Variants in CCDC88C observed in about 807,000 individuals in gnomAD.
CCDC88C encodes protein Daple.
In CCDC88C, 131 loss-of-function variants were observed where a neutral mutation model predicts 198.8. That is an observed-to-expected ratio of 0.66 (90% CI 0.57 to 0.76). The LOEUF (loss-of-function observed/expected upper bound fraction) is 0.76. Among genes scored for constraint, CCDC88C ranks in the 30% least tolerant of loss-of-function variants. The pLI is 0.00. For synonymous variants in CCDC88C, 1,166 were observed against 1,114.7 expected (o/e 1.05, Z -0.92); for missense variants, 2,553 against 2,631.6 (o/e 0.97, Z 0.65).
In CCDC88C at chr14:91,372,122, G is replaced by A. The variant is rs1354718467; in HGVS notation, c.271-12411C>T. ...CTGGAGGGCAGGGAGAGCTCCTTGAGGAAGGGCAGCCATTCCCTCTCTCAT... is the reference window on the plus strand; with the variant it reads ...CTGGAGGGCAGGGAGAGCTCCTTGAAGAAGGGCAGCCATTCCCTCTCTCAT... On this transcript the variant is annotated intron_variant, in intron 3 of 29. Coordinates refer to ENST00000389857, the MANE Select transcript of CCDC88C (RefSeq NM_001080414.4). Among the ~76,000 whole-genome samples the A allele has an allele frequency of 3.9e-5, 6 of 152,290 alleles. No homozygotes were observed. In the East Asian group the frequency reaches 1.2e-3, roughly 29 times the overall value.
intron 15 of CCDC88C, among the ~76,000 whole-genome samples, chr14:91,312,518 A>G (rs1017799309): frequency 1.3e-5 from 2 of 152,222 alleles, no homozygotes; most frequent in African/African-American, 2.4e-5. Flanking sequence ...ACCCGTCTCT[A>G]CTAAAAATAC....
In CCDC88C at chr14:91,376,502, C is replaced by T. The variant is rs980754968; in HGVS notation, c.271-16791G>A. Among the ~76,000 whole-genome samples, 19 of 152,208 alleles carry T rather than the reference C, an allele frequency of 1.2e-4. No individual in the cohort carries two copies. The East Asian group carries it at 3.1e-3, about 25-fold the overall frequency. On this transcript the variant is annotated intron_variant, in intron 3 of 29. Transcript: ENST00000389857. ...AAGGTAGTGAGGGACTTTTATCCAC[C>T]GCCGTCTCTGGAGAGCCCACAGGTG...
chr14:91,414,900 G>A (rs926200221), intron 2 of CCDC88C, among the ~76,000 whole-genome samples: 8 of 152,182 alleles, frequency 5.3e-5, no homozygotes, highest in Admixed American at 5.2e-4. Flanking sequence ...TTAGCCATGG[G>A]CCAAATGAGA....
At chr14:91,388,768 C>T (rs1337363289) in intron 3 of CCDC88C, among the ~76,000 whole-genome samples, 1 of 152,230 alleles carries the variant, frequency 6.6e-6, no homozygotes, top group Non-Finnish European at 1.5e-5. Context: ...AGCACACTTG[C>T]AGCGAGGGAT....
chr14:91,332,025 CT>C (rs1892855531), intron 10 of CCDC88C, among the ~76,000 whole-genome samples: 1 of 152,056 alleles, frequency 6.6e-6, no homozygotes, highest in Non-Finnish European at 1.5e-5. Context: ...GTCTCTGCCC[CT>C]GAGTGCAGAC....
rs758725568 is a variant in CCDC88C at position 91,289,168 on chromosome 14, T to C, written c.4378A>G (p.Thr1460Ala). Reference protein sequence around the residue: ...PLRSQAENPDTPALGSNCAEE... With the variant: ...PLRSQAENPDAPALGSNCAEE... The stretch of plus-strand genomic sequence containing the variant: ...GCACAGTTGGAGCCCAGTGCGGGGG[T>C]GTCGGGGTTCTCGGCCTGTGATCTG... Residue 1460 changes from threonine to alanine, a missense_variant, in exon 25 of 30, where the codon ACC becomes GCC. By Grantham distance (58) the Thr-to-Ala change is moderately conservative. This residue lies in a region of CCDC88C where 1,293 missense variants were observed against 1,219.6 expected (regional missense o/e 1.06). Coordinates refer to ENST00000389857, the MANE Select transcript of CCDC88C (RefSeq NM_001080414.4). 6.2e-7 allele frequency: 1 copy of C among 1,613,210 alleles called. No homozygotes were observed. Among genetic ancestry groups the C allele is most frequent in the Non-Finnish European group, 8.5e-7 (1 of 1,179,740 alleles).
chr14:91,304,774 T>A (rs1291920595), intron 19 of CCDC88C, among the ~76,000 whole-genome samples: 1 of 152,226 alleles, frequency 6.6e-6, no homozygotes, highest in Non-Finnish European at 1.5e-5. Context: ...AATCATTTTA[T>A]GAAGCCAGAA....
chr14:91,398,090 A>C (rs989399740), intron 3 of CCDC88C, among the ~76,000 whole-genome samples: 1 of 152,170 alleles, frequency 6.6e-6, no homozygotes, highest in Admixed American at 6.5e-5. Flanking sequence ...ATGGGCACTC[A>C]GTAAAGGTTA....
intron 3 of CCDC88C, chr14:91,379,487 C>T: frequency 3.1e-6 from 1 of 327,838 alleles, no homozygotes. Context: ...CCACCCGGGG[C>T]AGCTAGGAAC....
chr14:91,409,591 G>A (rs564516986), intron 2 of CCDC88C, among the ~76,000 whole-genome samples: 9 of 150,916 alleles, frequency 6.0e-5, no homozygotes, highest in Non-Finnish European at 8.8e-5. Context: ...GGGTTCCAGC[G>A]ATTCTCCCAC....
At chr14:91,389,203 C>T (rs747199255) in intron 3 of CCDC88C, among the ~76,000 whole-genome samples, 26 of 152,104 alleles carry the variant, frequency 1.7e-4, no homozygotes, top group Non-Finnish European at 7.3e-5. Flanking sequence ...AGTTTACAAA[C>T]CAGGGAGGGA....
chr14:91,403,578 G>A (rs756307399), intron 3 of CCDC88C, among the ~76,000 whole-genome samples: 2 of 152,190 alleles, frequency 1.3e-5, no homozygotes, highest in Non-Finnish European at 2.9e-5. Flanking sequence ...AACATTCAAG[G>A]CTCTTAATGA....
intron 3 of CCDC88C, among the ~76,000 whole-genome samples, chr14:91,369,275 C>T (rs550556958): frequency 1.2e-4 from 18 of 152,342 alleles, no homozygotes; most frequent in Admixed American, 7.8e-4. Flanking sequence ...GGCGTGATCT[C>T]GGCTCACTGC....
At chr14:91,311,194 G>A (rs1444250888) in intron 15 of CCDC88C, among the ~76,000 whole-genome samples, 3 of 152,198 alleles carry the variant, frequency 2.0e-5, no homozygotes, top group Admixed American at 2.0e-4. Context: ...AGTAAGCCTT[G>A]GCTGTGATGA....
intron 17 of CCDC88C, 94 bp from the exon 18 acceptor site, chr14:91,307,320 T>C: frequency 1.8e-6 from 2 of 1,081,384 alleles, no homozygotes; most frequent in South Asian, 1.3e-5. Flanking sequence ...CACCACACCC[T>C]CCACACTCCC....
intron 16 of CCDC88C, among the ~76,000 whole-genome samples, chr14:91,309,299 T>G (rs1891701619): frequency 1.3e-5 from 2 of 152,044 alleles, no homozygotes; most frequent in Admixed American, 1.3e-4. Flanking sequence ...TAGTCTAATT[T>G]TTTAAAAAAA....
chr14:91,379,881 C>G (rs1273839217), intron 3 of CCDC88C: 1 of 703,068 alleles, frequency 1.4e-6, no homozygotes, highest in Non-Finnish European at 2.6e-6. Context: ...GAAAAAGGGT[C>G]TATCCTGAAA....
intron 2 of CCDC88C, among the ~76,000 whole-genome samples, chr14:91,410,465 C>T (rs1201998034): frequency 1.3e-5 from 2 of 152,200 alleles, no homozygotes; most frequent in East Asian, 1.9e-4. Flanking sequence ...CCCTACAAAT[C>T]GAAAACGTTT....
intron 4 of CCDC88C, among the ~76,000 whole-genome samples, chr14:91,346,685 G>C (rs1893556911): frequency 6.6e-6 from 1 of 152,142 alleles, no homozygotes; most frequent in Non-Finnish European, 1.5e-5. Context: ...TGGGAGGTGA[G>C]GTCAGGAGTT....
Sources: gnomAD v4.1 joint callset for allele counts (sites outside exome capture counted in the v4.1 genomes callset) on GRCh38, gnomAD v4.1.1 for gene constraint, gnomAD v4.1.1 regional missense constraint, MANE v1.5 for transcripts, NCBI Gene and HGNC (gene_info 2026-07-23, HGNC 2026-07-21) for gene names.